Variants in PRTG observed in about 807,000 individuals in gnomAD.
PRTG encodes the protein immunoglobulin superfamily, DCC subclass, member 5.
PRTG carries 67 observed loss-of-function variants against 122.5 expected under a neutral mutation model. The observed-to-expected ratio is 0.55, with a 90% CI of 0.45 to 0.67. PRTG has a LOEUF of 0.67. Among genes scored for constraint, PRTG ranks in the 30% least tolerant of loss-of-function variants. The pLI, the probability that PRTG is intolerant of heterozygous loss-of-function variation, is 0.00. For synonymous variants in PRTG, 554 were observed against 501.1 expected (o/e 1.11, Z -1.41); for missense variants, 1,435 against 1,415.4 (o/e 1.01, Z -0.22).
chr15:55,726,268 G>T (rs1413891380), intron 2 of PRTG, among the ~76,000 whole-genome samples: 3 of 151,934 alleles, frequency 2.0e-5, no homozygotes, highest in Non-Finnish European at 4.4e-5. Flanking sequence ...ATAGAGATGG[G>T]GTTTCACCTT....
At chr15:55,684,545 T>C (rs184419089) in intron 2 of PRTG, among the ~76,000 whole-genome samples, 1 of 152,250 alleles carries the variant, frequency 6.6e-6, no homozygotes, top group East Asian at 1.9e-4. Context: ...AGAATACAGA[T>C]AAAACAAATT....
At chr15:55,725,120 T>C (rs1407232404) in intron 2 of PRTG, among the ~76,000 whole-genome samples, 1 of 152,180 alleles carries the variant, frequency 6.6e-6, no homozygotes, top group East Asian at 1.9e-4. Flanking sequence ...TATCACTATC[T>C]ATACAAAACA....
At chr15:55,673,713 T>C in intron 9 of PRTG, 37 bp from the exon 10 acceptor site, 1 of 1,532,532 alleles carries the variant, frequency 6.5e-7, no homozygotes, top group Non-Finnish European at 9.0e-7. Context: ...TATAAATATT[T>C]AGAATCGAAT....
chr15:55,628,025 CCT>C (rs1279460071), intron 16 of PRTG, among the ~76,000 whole-genome samples: 3 of 152,224 alleles, frequency 2.0e-5, no homozygotes, highest in Non-Finnish European at 2.9e-5. Context: ...TTCCATTTCC[CCT>C]GATAACACGG....
chr15:55,697,625 G>T (rs887550773), intron 2 of PRTG, among the ~76,000 whole-genome samples: 1 of 152,140 alleles, frequency 6.6e-6, no homozygotes, highest in African/African-American at 2.4e-5. Context: ...CCAAGTAGCT[G>T]GGATTACAGG....
chr15:55,724,860 G>A (rs537644607), intron 2 of PRTG, among the ~76,000 whole-genome samples: 11 of 152,262 alleles, frequency 7.2e-5, no homozygotes, highest in South Asian at 4.1e-4. Context: ...TAAGACATTC[G>A]CAGAGAAACA....
At chr15:55,682,273 A>G in intron 4 of PRTG, 91 bp downstream of exon 4, 1 of 1,076,898 alleles carries the variant, frequency 9.3e-7, no homozygotes, top group East Asian at 2.9e-5. Context: ...ATGAAATTCT[A>G]CTTTATGGCA....
intron 2 of PRTG, among the ~76,000 whole-genome samples, chr15:55,700,104 C>T (rs2059653679): frequency 6.6e-6 from 1 of 152,146 alleles, no homozygotes; most frequent in African/African-American, 2.4e-5. Context: ...TAGACATATA[C>T]TCTCTGTATA....
intron 15 of PRTG, among the ~76,000 whole-genome samples, chr15:55,636,782 G>C (rs1191453657): frequency 1.3e-5 from 2 of 151,934 alleles, no homozygotes; most frequent in Non-Finnish European, 2.9e-5. Context: ...AAGTAGCTTG[G>C]ATTACAGGCG....
chr15:55,634,024 T>C (rs1164265240), intron 15 of PRTG, among the ~76,000 whole-genome samples: 2 of 150,904 alleles, frequency 1.3e-5, no homozygotes, highest in Non-Finnish European at 2.9e-5. Context: ...AAATTACAAA[T>C]GAATACATTT....
Position 55,638,692 on chromosome 15 carries a change from A to G in PRTG, c.2325-16T>C. On this transcript the variant is annotated splice_polypyrimidine_tract_variant and intron_variant, in intron 13 of 19. Coordinates refer to ENST00000389286, the MANE Select transcript of PRTG (RefSeq NM_173814.6). ...AGTTTCTGATCTATAATAACGAGTG[A>G]TGAAGTTGTTAATGCTGGTAGTATA... 6.2e-7 allele frequency: 1 copy of G among 1,606,774 alleles called. No homozygotes were observed. The highest frequency in any genetic ancestry group is 1.1e-5 in the South Asian group (1 of 89,750).
chr15:55,682,452 G>T lies in PRTG; in HGVS notation c.588C>A (p.Ser196Arg). Residue 196 changes from serine (S) to arginine (R), a missense_variant, in exon 4 of 20, where the codon AGC becomes AGA. Coordinates refer to ENST00000389286, the MANE Select transcript of PRTG (RefSeq NM_173814.6). ...PTGVLQIYDVSQRDSGNYRCI... is the reference protein window; with the variant it reads ...PTGVLQIYDVRQRDSGNYRCI... ...AACGATAATTTCCAGAATCCCTTTG[G>T]CTGACATCATAGATCTGCAATACTC... 2 of 1,600,950 alleles carry T rather than the reference G, an allele frequency of 1.2e-6. No homozygotes were observed. Among genetic ancestry groups the T allele is most frequent in the Non-Finnish European group, 1.7e-6 (2 of 1,171,976 alleles).
At chr15:55,683,731 C>T in intron 3 of PRTG, 56 bp downstream of exon 3, 1 of 1,443,986 alleles carries the variant, frequency 6.9e-7, no homozygotes, top group Non-Finnish European at 9.6e-7. Flanking sequence ...TATATAATCT[C>T]ATATGAAGTC....
At chr15:55,622,837 G>T (rs1200546044) in intron 18 of PRTG, among the ~76,000 whole-genome samples, 1 of 152,072 alleles carries the variant, frequency 6.6e-6, no homozygotes, top group African/African-American at 2.4e-5. Flanking sequence ...CACTTGGCCT[G>T]TATCAGTACT....
At chr15:55,739,389 G>C (rs1417027466) in intron 2 of PRTG, among the ~76,000 whole-genome samples, 2 of 151,762 alleles carry the variant, frequency 1.3e-5, no homozygotes, top group African/African-American at 4.8e-5. Context: ...CTAGCCACCA[G>C]CCCAGCTAAG....
At position 55,629,932 on chromosome 15, in the gene PRTG, C is replaced by T. The variant is rs370653059; in HGVS notation, c.2624-928G>A. Reference sequence around the variant, plus strand: ...TCCTGGGTTCAAGCAATTCTCCTGCCTCACCCACCTGAGTAGCTGGGACTA... The same window carrying T: ...TCCTGGGTTCAAGCAATTCTCCTGCTTCACCCACCTGAGTAGCTGGGACTA... On this transcript the variant is annotated intron_variant, in intron 15 of 19. Transcript: ENST00000389286. Among the ~76,000 whole-genome samples the T allele has an allele frequency of 7.9e-5, 12 of 151,166 alleles. No individual in the cohort carries two copies. In the South Asian group the frequency reaches 1.1e-3, roughly 13 times the overall value.
At chr15:55,718,480 C>CA (rs1361137790) in intron 2 of PRTG, among the ~76,000 whole-genome samples, 4 of 151,958 alleles carry the variant, frequency 2.6e-5, no homozygotes, top group Non-Finnish European at 5.9e-5. Flanking sequence ...AGCCAGAGAA[C>CA]AACACCCCCG....
At chr15:55,723,877 G>A (rs542056474) in intron 2 of PRTG, among the ~76,000 whole-genome samples, 6 of 150,070 alleles carry the variant, frequency 4.0e-5, no homozygotes, top group Non-Finnish European at 7.4e-5. Context: ...TCAGCCTCCT[G>A]AGTAGCTGGA....
chr15:55,705,249 G>C (rs1431854024), intron 2 of PRTG, among the ~76,000 whole-genome samples: 1 of 152,110 alleles, frequency 6.6e-6, no homozygotes, highest in East Asian at 1.9e-4. Flanking sequence ...TGCTAATCTA[G>C]GCCTTGTGAG....
Sources: gnomAD v4.1 joint callset for allele counts (sites outside exome capture counted in the v4.1 genomes callset) on GRCh38, gnomAD v4.1.1 for gene constraint, MANE v1.5 for transcripts, NCBI Gene and HGNC (gene_info 2026-07-23, HGNC 2026-07-21) for gene names.